LPP: variants seen among roughly 807,000 people sequenced by gnomAD.
The protein encoded by LPP is lipoma-preferred partner.
Under a neutral mutation model 60.4 loss-of-function variants are expected in LPP, and 38 were observed. That is an observed-to-expected ratio of 0.63 (90% CI 0.49 to 0.83). LPP has a LOEUF of 0.83. Ranked by LOEUF, LPP falls within the 40% of genes least tolerant of loss-of-function variation. The pLI is 0.00. For missense variants in LPP, 902 were observed against 783.6 expected, an observed-to-expected ratio of 1.15 and a Z score of -1.80; for synonymous variants, 328 against 290.8, an observed-to-expected ratio of 1.13 and a Z score of -1.30.
At chr3:188,242,411 G>A (rs1192759937) in intron 2 of LPP, among the ~76,000 whole-genome samples, 8 of 151,394 alleles carry the variant, frequency 5.3e-5, no homozygotes, top group African/African-American at 1.9e-4. Flanking sequence ...AGGAAAAGAA[G>A]AAGGAAAAAA....
At chr3:188,475,435 C>T (rs1802899116) in intron 4 of LPP, among the ~76,000 whole-genome samples, 1 of 152,134 alleles carries the variant, frequency 6.6e-6, no homozygotes, top group African/African-American at 2.4e-5. Flanking sequence ...TAAAAAAATG[C>T]ATGCCTATAA....
intron 8 of LPP, chr3:188,709,990 A>G (rs896767180): frequency 6.6e-6 from 1 of 152,204 alleles, no homozygotes; most frequent in Non-Finnish European, 1.5e-5. Context: ...AGCATTTCTT[A>G]GACACCCATC....
intron 2 of LPP, among the ~76,000 whole-genome samples, chr3:188,320,520 G>A (rs1756624531): frequency 6.6e-6 from 1 of 152,198 alleles, no homozygotes; most frequent in African/African-American, 2.4e-5. Flanking sequence ...GAACACTTGG[G>A]AAAGCAGGAA....
At position 188,247,262 on chromosome 3, in the gene LPP, A is replaced by G. The variant is rs79473246; in HGVS notation, c.-67+21735A>G. 8.8e-3 allele frequency: 3,073 copies of G among 350,790 alleles called. 54 individuals carry two copies. Among genetic ancestry groups the G allele is most frequent in the African/African-American group, 0.059 (2,459 of 41,688 alleles). 21.7% of individuals were successfully genotyped at this position (350,790 alleles called of 1,614,324 possible). On this transcript the variant is annotated intron_variant, in intron 2 of 11. Coordinates refer to ENST00000617246, the MANE Select transcript of LPP (RefSeq NM_001375462.1). ...CTTAGTTGCAGGGCACTTTAGTGGG[A>G]AAAAAAAAAAAACGCTGAGGCTATT...
At chr3:188,831,211 GA>G (rs1159578757) in intron 9 of LPP, among the ~76,000 whole-genome samples, 4 of 152,202 alleles carry the variant, frequency 2.6e-5, no homozygotes, top group African/African-American at 9.6e-5. Context: ...AGGAGGAACT[GA>G]GCAGTTCATC....
intron 8 of LPP, among the ~76,000 whole-genome samples, chr3:188,713,450 A>G (rs1225510800): frequency 6.7e-6 from 1 of 149,882 alleles, no homozygotes; most frequent in South Asian, 2.1e-4. Context: ...TATCAATGAT[A>G]TATTAGATAA....
At chr3:188,584,500 A>AT (rs1345307312) in intron 6 of LPP, 1 of 151,100 alleles carries the variant, frequency 6.6e-6, no homozygotes, top group Non-Finnish European at 1.5e-5. Flanking sequence ...CTTCTTTCCC[A>AT]TTTTAGATTA....
intron 6 of LPP, among the ~76,000 whole-genome samples, chr3:188,579,725 T>C (rs1037435428): frequency 1.3e-5 from 2 of 151,786 alleles, no homozygotes; most frequent in Non-Finnish European, 2.9e-5. Context: ...TTTGGGATGC[T>C]GAGGCGGTAT....
At chr3:188,492,868 A>G (rs17604797) in intron 5 of LPP, among the ~76,000 whole-genome samples, 84,686 of 152,096 alleles carry the variant, frequency 0.56, 27,068 homozygotes, top group Non-Finnish European at 0.71. Context: ...TCCATCCCAC[A>G]TTCTATTAAA....
At chr3:188,163,886 G>A (rs920485005) in intron 1 of LPP, among the ~76,000 whole-genome samples, 4 of 151,458 alleles carry the variant, frequency 2.6e-5, no homozygotes, top group Non-Finnish European at 5.9e-5. Context: ...AGGAGGCTGA[G>A]GTTGCAGTGA....
At chr3:188,659,303 G>A (rs1173253220) in intron 7 of LPP, among the ~76,000 whole-genome samples, 1 of 152,156 alleles carries the variant, frequency 6.6e-6, no homozygotes, top group African/African-American at 2.4e-5. Flanking sequence ...CCTAGACTCA[G>A]TTGCTTTCTA....
At chr3:188,731,516 T>TTTCTGTTTTGTTTTGTTTTG (rs1553817763) in intron 8 of LPP, among the ~76,000 whole-genome samples, 11 of 145,818 alleles carry the variant, frequency 7.5e-5, no homozygotes, top group African/African-American at 2.8e-4. Flanking sequence ...TTTTTTGTTT[T>TTTCTGTTTTGTTTTGTTTTG]TTTTGTTTTG....
At chr3:188,713,103 C>T (rs1160971906) in intron 8 of LPP, among the ~76,000 whole-genome samples, 1 of 152,128 alleles carries the variant, frequency 6.6e-6, no homozygotes, top group East Asian at 1.9e-4. Flanking sequence ...TGGAAGCCGT[C>T]TTAAACCAAG....
chr3:188,676,511 A>G (rs561994142), intron 7 of LPP, among the ~76,000 whole-genome samples: 9 of 152,214 alleles, frequency 5.9e-5, no homozygotes, highest in Non-Finnish European at 1.2e-4. Context: ...ATTAAAACAA[A>G]CAACAGTTTT....
At chr3:188,464,004 G>A (rs544447160) in intron 4 of LPP, among the ~76,000 whole-genome samples, 7 of 152,078 alleles carry the variant, frequency 4.6e-5, no homozygotes, top group Admixed American at 2.0e-4. Context: ...TTTGTAAGTC[G>A]ACTCAATACA....
At chr3:188,810,991 G>A (rs1750765172) in intron 9 of LPP, among the ~76,000 whole-genome samples, 2 of 152,044 alleles carry the variant, frequency 1.3e-5, no homozygotes, top group South Asian at 2.1e-4. Context: ...GTCTTTTGGT[G>A]TACATATATA....
At chr3:188,332,865 A>C (rs1016569117) in intron 2 of LPP, among the ~76,000 whole-genome samples, 4 of 152,118 alleles carry the variant, frequency 2.6e-5, no homozygotes, top group African/African-American at 7.2e-5. Flanking sequence ...TGTGAGAATC[A>C]ACCTCCAGGC....
intron 6 of LPP, among the ~76,000 whole-genome samples, chr3:188,580,376 T>G (rs1467718019): frequency 6.6e-6 from 1 of 152,202 alleles, no homozygotes; most frequent in Non-Finnish European, 1.5e-5. Context: ...TGCTGGTCTC[T>G]TCCTGATTTT....
At chr3:188,407,887 T>C (rs1416059620) in intron 4 of LPP, among the ~76,000 whole-genome samples, 1 of 146,338 alleles carries the variant, frequency 6.8e-6, no homozygotes, top group Non-Finnish European at 1.5e-5. Context: ...GCTTCCCGGG[T>C]TCAAGTGATT....
Sources: gnomAD v4.1 joint callset for allele counts (sites outside exome capture counted in the v4.1 genomes callset) on GRCh38, gnomAD v4.1.1 for gene constraint, MANE v1.5 for transcripts, NCBI Gene and HGNC (gene_info 2026-07-23, HGNC 2026-07-21) for gene names.